Variants in EEIG2 observed in about 807,000 individuals in gnomAD.
EEIG2 encodes the protein EEIG family member 2.
At chr1:108,600,834 C>A in the EEIG2 span, 1 of 709,642 alleles carries the variant, frequency 1.4e-6, no homozygotes, top group Non-Finnish European at 2.2e-6. Flanking sequence ...ATTAAAATAC[C>A]ATGGCAAATA....
At chr1:108,629,577 G>C in the EEIG2 span, 1 of 1,589,494 alleles carries the variant, frequency 6.3e-7, no homozygotes, top group Non-Finnish European at 8.6e-7. Context: ...CATTTTAAAT[G>C]TGTATTGCAG....
the EEIG2 span, among the ~76,000 whole-genome samples, chr1:108,582,161 A>G: frequency 6.6e-6 from 1 of 152,210 alleles, no homozygotes; most frequent in Non-Finnish European, 1.5e-5. Flanking sequence ...TTTTTTAGAC[A>G]TAATGCTGTT....
chr1:108,632,318 T>C, the EEIG2 span, among the ~76,000 whole-genome samples: 1 of 152,074 alleles, frequency 6.6e-6, no homozygotes, highest in Non-Finnish European at 1.5e-5. Context: ...AAAGGGTATT[T>C]AGGGGCATGA....
At chr1:108,586,359 C>T in the EEIG2 span, among the ~76,000 whole-genome samples, 3 of 147,792 alleles carry the variant, frequency 2.0e-5, no homozygotes, top group African/African-American at 7.5e-5. Flanking sequence ...GTGTGTAATG[C>T]CATTTAATTT....
At chr1:108,594,460 C>A in the EEIG2 span, among the ~76,000 whole-genome samples, 2 of 152,228 alleles carry the variant, frequency 1.3e-5, no homozygotes, top group South Asian at 4.1e-4. Context: ...AGAGACAGTT[C>A]TTCAAATTTC....
At chr1:108,566,721 A>G in the EEIG2 span, among the ~76,000 whole-genome samples, 1 of 152,142 alleles carries the variant, frequency 6.6e-6, no homozygotes, top group Admixed American at 6.5e-5. Context: ...AAATCCTGTC[A>G]TTTGTGACAA....
chr1:108,621,949 G>A, the EEIG2 span, among the ~76,000 whole-genome samples: 2 of 152,296 alleles, frequency 1.3e-5, no homozygotes, highest in South Asian at 4.1e-4. Flanking sequence ...CTGAGGCCAG[G>A]AATTCAAGAC....
the EEIG2 span, among the ~76,000 whole-genome samples, chr1:108,565,220 C>T: frequency 6.6e-6 from 1 of 152,152 alleles, no homozygotes; most frequent in Admixed American, 6.6e-5. Flanking sequence ...TATCAGTTAA[C>T]AATGAGGATC....
the EEIG2 span, among the ~76,000 whole-genome samples, chr1:108,608,222 G>A: frequency 5.9e-5 from 9 of 151,958 alleles, no homozygotes; most frequent in African/African-American, 1.9e-4. Flanking sequence ...CCCTCCTCTT[G>A]TCCTGTCAAC....
chr1:108,568,805 A>G, the EEIG2 span, among the ~76,000 whole-genome samples: 1 of 152,136 alleles, frequency 6.6e-6, no homozygotes, highest in East Asian at 1.9e-4. Context: ...AATTCCAGCC[A>G]CTGGGAAGGA....
At chr1:108,591,810 T>A in the EEIG2 span, among the ~76,000 whole-genome samples, 1 of 152,010 alleles carries the variant, frequency 6.6e-6, no homozygotes, top group African/African-American at 2.4e-5. Context: ...AGAATTAAAC[T>A]GGTGAGTGCG....
At chr1:108,616,376 AT>A in the EEIG2 span, 2 of 1,585,022 alleles carry the variant, frequency 1.3e-6, no homozygotes, top group Admixed American at 3.4e-5. Context: ...CTTGTTTTAT[AT>A]TTAGGTTTTG....
chr1:108,630,754 G>T, the EEIG2 span, among the ~76,000 whole-genome samples: 1 of 152,088 alleles, frequency 6.6e-6, no homozygotes, highest in Non-Finnish European at 1.5e-5. Flanking sequence ...TTAACAACCT[G>T]CTCCCCACAC....
the EEIG2 span, chr1:108,637,437 T>TTGTCCTTTTCTGAGA: frequency 6.6e-6 from 1 of 152,048 alleles, no homozygotes; most frequent in African/African-American, 2.4e-5. Flanking sequence ...TACTTTCTGA[T>TTGTCCTTTTCTGAGA]TGTCCTTTTC....
chr1:108,615,354 G>C, the EEIG2 span, among the ~76,000 whole-genome samples: 1 of 152,136 alleles, frequency 6.6e-6, no homozygotes, highest in South Asian at 2.1e-4. Flanking sequence ...CATGATTGTT[G>C]TTAATGTTGT....
At chr1:108,571,430 CAG>C in the EEIG2 span, among the ~76,000 whole-genome samples, 13 of 152,182 alleles carry the variant, frequency 8.5e-5, no homozygotes, top group African/African-American at 3.1e-4. Context: ...AATCCTAGAA[CAG>C]AGGTTTCAGG....
the EEIG2 span, chr1:108,636,910 T>A: frequency 6.6e-6 from 1 of 152,202 alleles, no homozygotes. Context: ...TAAAAACATA[T>A]TTTTCTATTT....
the EEIG2 span, among the ~76,000 whole-genome samples, chr1:108,612,720 C>T: frequency 4.6e-5 from 7 of 152,166 alleles, no homozygotes; most frequent in Non-Finnish European, 8.8e-5. Flanking sequence ...GGCATCTGCC[C>T]GGCTTTTTCC....
At chr1:108,623,952 G>T in the EEIG2 span, among the ~76,000 whole-genome samples, 1 of 151,880 alleles carries the variant, frequency 6.6e-6, no homozygotes, top group African/African-American at 2.4e-5. Flanking sequence ...GATTACAGGC[G>T]TGAGCCACTG....
Sources: allele counts gnomAD v4.1 joint callset (sites outside exome capture counted in the v4.1 genomes callset), GRCh38; gene constraint gnomAD v4.1.1; transcripts MANE v1.5; gene names NCBI Gene and HGNC (gene_info 2026-07-23, HGNC 2026-07-21).